FARS2: variants seen among roughly 807,000 people sequenced by gnomAD.
The protein encoded by FARS2 is phenylalanyl-tRNA synthetase 2, mitochondrial.
In FARS2, 40 loss-of-function variants were observed where a neutral mutation model predicts 46.4. The ratio of observed to expected loss-of-function variants is 0.86; its 90% CI spans 0.67 to 1.12. FARS2 has a LOEUF of 1.12. Among genes scored for constraint, FARS2 ranks in the 50% most tolerant of loss-of-function variants. FARS2 has a pLI of 0.00. For synonymous variants in FARS2, 234 were observed against 214.9 expected, an observed-to-expected ratio of 1.09 and a Z score of -0.78; for missense variants, 513 against 567.9, an observed-to-expected ratio of 0.90 and a Z score of 0.98.
chr6:5,356,099 T>C (rs189372958), intron 1 of FARS2, among the ~76,000 whole-genome samples: 5 of 152,344 alleles, frequency 3.3e-5, no homozygotes, highest in Admixed American at 3.3e-4. Flanking sequence ...TCATGGTCTA[T>C]GTAGTGTCAC....
At chr6:5,487,894 G>A (rs1244260523) in intron 4 of FARS2, among the ~76,000 whole-genome samples, 1 of 149,272 alleles carries the variant, frequency 6.7e-6, no homozygotes, top group African/African-American at 2.5e-5. Context: ...TGTGTGGCAT[G>A]TGGAAAGGCT....
chr6:5,478,703 C>T (rs954006502), intron 4 of FARS2, among the ~76,000 whole-genome samples: 4 of 152,190 alleles, frequency 2.6e-5, no homozygotes, highest in South Asian at 2.1e-4. Context: ...AATGGTGGTT[C>T]GTCCAGGGTG....
intron 5 of FARS2, chr6:5,609,679 C>A: frequency 7.7e-7 from 1 of 1,303,294 alleles, no homozygotes; most frequent in Non-Finnish European, 1.1e-6. Context: ...TGTGGCCATT[C>A]ACAGGATGGC....
chr6:5,692,526 A>G (rs1490765687), intron 6 of FARS2, among the ~76,000 whole-genome samples: 1 of 152,224 alleles, frequency 6.6e-6, no homozygotes, highest in African/African-American at 2.4e-5. Flanking sequence ...CTGTGAAGTC[A>G]TGCTCAGAAC....
At chr6:5,747,939 C>A (rs1415869707) in intron 6 of FARS2, among the ~76,000 whole-genome samples, 1 of 152,222 alleles carries the variant, frequency 6.6e-6, no homozygotes. Context: ...TCCATTTTCT[C>A]TGATTCTAAG....
Position 5,329,251 on chromosome 6 carries a change from A to G in FARS2, c.-21-39299A>G, listed in dbSNP as rs1351500441. Among the ~76,000 whole-genome samples, 4 of 152,196 alleles carry G rather than the reference A, an allele frequency of 2.6e-5. No individual in the cohort carries two copies. The South Asian group carries it at 6.2e-4, about 24-fold the overall frequency. On this transcript the variant is annotated intron_variant, in intron 1 of 6. Transcript: ENST00000274680. ...ATTTTAAAGCTAATGTAGCATATCA[A>G]TTTATAAAACAAGCCATGTGCTTTA...
rs1335980939 is a variant in FARS2, at chr6:5,368,810, C to T, written c.240C>T (p.Asn80=). 7.4e-6 allele frequency: 12 copies of T among 1,614,168 alleles called. No individual in the cohort carries two copies. Among genetic ancestry groups the T allele is most frequent in the Non-Finnish European group, 9.3e-6 (11 of 1,180,026 alleles). ...CCAGAGTTGGCAGGAACCTGCACAA[C>T]CAGCAGCATCACCCTCTGTGGCTGA... ...VLTRVGRNLH[N]QQHHPLWLIK... is the part of the protein sequence containing the mutation. The change falls in exon 2 of 7, where the codon AAC becomes AAT. Residue 80 remains asparagine (N), a synonymous_variant. Coordinates refer to ENST00000274680, the MANE Select transcript of FARS2 (RefSeq NM_006567.5).
chr6:5,298,887 A>G (rs12662017), intron 1 of FARS2, among the ~76,000 whole-genome samples: 4 of 150,266 alleles, frequency 2.7e-5, no homozygotes, highest in Middle Eastern at 3.5e-3. Context: ...AAAAAAAGAT[A>G]CAAAAATGTC....
intron 6 of FARS2, among the ~76,000 whole-genome samples, chr6:5,730,109 T>C (rs1233490497): frequency 6.6e-6 from 1 of 152,238 alleles, no homozygotes; most frequent in Non-Finnish European, 1.5e-5. Flanking sequence ...TGCCAGTCTG[T>C]TTGTTTACTG....
intron 2 of FARS2, among the ~76,000 whole-genome samples, chr6:5,390,006 A>C (rs999542602): frequency 6.6e-6 from 1 of 152,132 alleles, no homozygotes; most frequent in Non-Finnish European, 1.5e-5. Flanking sequence ...CTAGGATTAC[A>C]GGCACGCGCC....
At chr6:5,266,062 C>T (rs1043098563) in intron 1 of FARS2, among the ~76,000 whole-genome samples, 1 of 152,082 alleles carries the variant, frequency 6.6e-6, no homozygotes, top group African/African-American at 2.4e-5. Context: ...TCTCCTGGGC[C>T]TTGAAAGGAA....
intron 4 of FARS2, among the ~76,000 whole-genome samples, chr6:5,520,299 A>G (rs1027600681): frequency 6.6e-6 from 1 of 152,166 alleles, no homozygotes; most frequent in African/African-American, 2.4e-5. Flanking sequence ...TGACGAGATA[A>G]TCACAACTTC....
chr6:5,403,918 G>A (rs1165895697), intron 2 of FARS2, among the ~76,000 whole-genome samples: 2 of 152,106 alleles, frequency 1.3e-5, no homozygotes, highest in Non-Finnish European at 2.9e-5. Flanking sequence ...AACTTATTTA[G>A]CCATTGGAAT....
chr6:5,646,310 G>T (rs1777070032), intron 6 of FARS2, among the ~76,000 whole-genome samples: 1 of 152,154 alleles, frequency 6.6e-6, no homozygotes, highest in South Asian at 2.1e-4. Flanking sequence ...TTAGATTAGA[G>T]AAGATTATAT....
intron 6 of FARS2, among the ~76,000 whole-genome samples, chr6:5,739,263 A>G (rs1007744457): frequency 5.9e-5 from 9 of 151,738 alleles, no homozygotes; most frequent in African/African-American, 2.2e-4. Flanking sequence ...TGGGAGGCCA[A>G]GGTAGGAGGA....
chr6:5,288,203 G>A (rs1767260154), intron 1 of FARS2, among the ~76,000 whole-genome samples: 1 of 152,148 alleles, frequency 6.6e-6, no homozygotes, highest in South Asian at 2.1e-4. Context: ...TTCATGTTTT[G>A]TCCAACCATC....
chr6:5,684,588 AG>A (rs779597730), intron 6 of FARS2, among the ~76,000 whole-genome samples: 7 of 152,210 alleles, frequency 4.6e-5, no homozygotes, highest in Non-Finnish European at 8.8e-5. Context: ...ATAAACAAAA[AG>A]CTGCAACAAG....
intron 4 of FARS2, among the ~76,000 whole-genome samples, chr6:5,541,132 T>C (rs1160025354): frequency 1.3e-5 from 2 of 152,202 alleles, no homozygotes; most frequent in Non-Finnish European, 2.9e-5. Flanking sequence ...ATGTAAGCTA[T>C]ATTGGCATGT....
intron 6 of FARS2, among the ~76,000 whole-genome samples, chr6:5,761,408 C>T (rs1198842601): frequency 6.6e-6 from 1 of 152,220 alleles, no homozygotes; most frequent in African/African-American, 2.4e-5. Context: ...AGTTCGTATA[C>T]CTGTTTGTGT....
Sources: allele counts gnomAD v4.1 joint callset (sites outside exome capture counted in the v4.1 genomes callset), GRCh38; gene constraint gnomAD v4.1.1; transcripts MANE v1.5; gene names NCBI Gene and HGNC (gene_info 2026-07-23, HGNC 2026-07-21).